SLC37A2: variants seen among roughly 807,000 people sequenced by gnomAD.
SLC37A2 encodes solute carrier family 37 member 2, also known as glucose-6-phosphate exchanger SLC37A2.
A neutral mutation model predicts 70.7 loss-of-function variants in SLC37A2; 59 were observed. The ratio of observed to expected loss-of-function variants is 0.83; its 90% confidence interval spans 0.68 to 1.04. The LOEUF is 1.04. Among genes scored for constraint, SLC37A2 ranks in the 50% least tolerant of loss-of-function variants. The pLI is 0.00. For missense variants in SLC37A2, 580 were observed against 658.1 expected (o/e 0.88, Z 1.30); for synonymous variants, 257 against 262.1 (o/e 0.98, Z 0.19).
Position 125,077,260 on chromosome 11 carries a change from A to G in SLC37A2, c.172A>G (p.Ile58Val), listed in dbSNP as rs1591630943. ...TCTGCACCAGAACTGCTCGGAGCAG[A>G]TCAAACCCATCAATGATACTCACAG... ...SRLHQNCSEQIKPINDTHSLN... is the reference protein window; with the variant it reads ...SRLHQNCSEQVKPINDTHSLN... Residue 58 changes from isoleucine (I) to valine (V), a missense_variant, in exon 3 of 18, where the codon ATC becomes GTC. By Grantham distance (29) the Ile-to-Val change is conservative (BLOSUM62 3). Coordinates refer to ENST00000403796, the MANE Select transcript of SLC37A2 (RefSeq NM_001145290.2). 3 of 1,606,920 alleles carry G rather than the reference A, an allele frequency of 1.9e-6. No homozygotes were observed. The highest frequency in any genetic ancestry group is 2.2e-5 in the East Asian group (1 of 44,856).
At chr11:125,086,587 G>A (rs1949217976) in intron 17 of SLC37A2, 2 of 360,874 alleles carry the variant, frequency 5.5e-6, no homozygotes, top group African/African-American at 2.1e-5. Flanking sequence ...AGAAACCAAG[G>A]TCATCTGGCC....
intron 1 of SLC37A2, among the ~76,000 whole-genome samples, chr11:125,067,014 C>T (rs184864219): frequency 2.7e-5 from 4 of 147,828 alleles, no homozygotes; most frequent in African/African-American, 1.1e-4. Context: ...AAGTCTTGCT[C>T]TATCACCCAG....
rs375897357 is a variant in SLC37A2 at position 125,081,946 on chromosome 11, C to G, written c.885+40C>G. 2.4e-5 allele frequency: 38 copies of G among 1,559,316 alleles called. No individual in the cohort carries two copies. The Middle Eastern group carries it at 7.0e-4, about 29-fold the overall frequency. ...GAATGGAGGAAAGAGAGGGGCTTTC[C>G]AGATTTTTTCTGTTGGTGATGAGGA... On this transcript the variant is annotated intron_variant, in intron 9 of 17. Coordinates refer to ENST00000403796, the MANE Select transcript of SLC37A2 (RefSeq NM_001145290.2).
At chr11:125,071,464 T>C (rs994656466) in intron 1 of SLC37A2, among the ~76,000 whole-genome samples, 1 of 152,218 alleles carries the variant, frequency 6.6e-6, no homozygotes, top group Non-Finnish European at 1.5e-5. Flanking sequence ...CACTCAGCTT[T>C]CTTCCCAAAG....
Position 125,089,683 on chromosome 11 carries a change from GC to G in SLC37A2, c.*1552del, listed in dbSNP as rs1474833549. 6.5e-6 allele frequency: 1 copy of G among 152,822 alleles called. No individual in the cohort carries two copies. Among genetic ancestry groups the G allele is most frequent in the East Asian group, 1.9e-4 (1 of 5,208 alleles). 9.5% of individuals were successfully genotyped at this position (152,822 alleles called of 1,614,324 possible). ...TGTACTGGGTCCCCCAGCAGTGCCG[GC>G]CCACCTGCGCTGTGCTTGATTTCTC... is the stretch of plus-strand genomic sequence containing the variant. On this transcript the variant is annotated 3_prime_UTR_variant, in exon 18 of 18. Transcript: ENST00000403796.
rs1033264059 is a variant in SLC37A2, at chr11:125,080,949, T to G, written c.694+169T>G. The stretch of plus-strand genomic sequence containing the variant: ...TTTCTCATTTGTAAAATAATAATAG[T>G]AATAATAATGTCTATTTCGTAGGAT... On this transcript the variant is annotated intron_variant, in intron 7 of 17. Transcript: ENST00000403796. The surrounding 1 kb of genome is among the most constrained non-coding windows in gnomAD (Gnocchi z 4.3). Among the ~76,000 whole-genome samples the G allele has an allele frequency of 6.6e-6, 1 of 152,160 alleles. No homozygotes were observed. The highest frequency in any genetic ancestry group is 1.5e-5 in the Non-Finnish European group (1 of 68,026).
rs764096896 is a variant in SLC37A2 at position 125,082,379 on chromosome 11, A to G, written c.976+45A>G. 5.1e-6 allele frequency: 8 copies of G among 1,560,502 alleles called. No homozygotes were observed. The African/African-American group carries it at 1.1e-4, about 21-fold the overall frequency. ...AATGAAGGGGTCTCTGAGGAGGCCA[A>G]GGCTGCCTCTGGTGGGAGAGGAAGC... On this transcript the variant is annotated intron_variant, in intron 10 of 17. Coordinates refer to ENST00000403796, the MANE Select transcript of SLC37A2 (RefSeq NM_001145290.2).
rs886710833 is a variant in SLC37A2 at position 125,089,334 on chromosome 11, G to A, written c.*1200G>A. 9.7e-5 allele frequency: 15 copies of A among 155,284 alleles called. No individual in the cohort carries two copies. The highest frequency in any genetic ancestry group is 1.8e-4 in the Non-Finnish European group (13 of 70,398). 9.6% of individuals were successfully genotyped at this position (155,284 alleles called of 1,614,324 possible). The stretch of plus-strand genomic sequence containing the variant: ...CTCAGTGAGGGGTGACAGCGTGCTG[G>A]CAGTCCTCACAGCCCTCGCTCGCTC... On this transcript the variant is annotated 3_prime_UTR_variant, in exon 18 of 18. Transcript: ENST00000403796.
intron 9 of SLC37A2, 129 bp downstream of exon 9, chr11:125,082,035 GC>G: frequency 8.7e-7 from 1 of 1,155,436 alleles, no homozygotes; most frequent in Admixed American, 2.5e-5. Flanking sequence ...AAGTTGGGCA[GC>G]CTGCTTGGGG....
Position 125,064,115 on chromosome 11 carries a change from C to T in SLC37A2, c.59+689C>T, listed in dbSNP as rs940467950. ...ATTGGAGCAGTCCGTTTGGTCTGCA[C>T]AGTTTTTAAAATATTGTGTTAGTTG... On this transcript the variant is annotated intron_variant, in intron 1 of 17. Transcript: ENST00000403796. Among the ~76,000 whole-genome samples the T allele has an allele frequency of 1.1e-4, 16 of 152,192 alleles. 1 individual carries two copies. The highest frequency in any genetic ancestry group is 3.6e-4 in the African/African-American group (15 of 41,456).
In SLC37A2 at chr11:125,090,184, C is replaced by A. The variant is rs908936013; in HGVS notation, c.*2050C>A. The stretch of plus-strand genomic sequence containing the variant: ...CAAGGTTTATAAACACACCAATCAA[C>A]ACCCTGTGTCTAGCTCAGGGTTTGT... On this transcript the variant is annotated 3_prime_UTR_variant, in exon 18 of 18. Coordinates refer to ENST00000403796, the MANE Select transcript of SLC37A2 (RefSeq NM_001145290.2). 3 of 152,148 alleles carry A rather than the reference C, an allele frequency of 2.0e-5. No homozygotes were observed. The highest frequency in any genetic ancestry group is 2.9e-5 in the Non-Finnish European group (2 of 68,068). The allele number at this position is 152,148 out of a possible 1,614,324, so 9.4% of individuals were successfully genotyped here. A position where few individuals can be genotyped will look rare whatever the true frequency, so the allele number is the denominator to read the frequency against.
Position 125,086,022 on chromosome 11 carries a change from A to T in SLC37A2, c.1490+4A>T. 6.2e-7 allele frequency: 1 copy of T among 1,613,862 alleles called. No individual in the cohort carries two copies. Among genetic ancestry groups the T allele is most frequent in the Non-Finnish European group, 8.5e-7 (1 of 1,179,720 alleles). On this transcript the variant is annotated splice_donor_region_variant and intron_variant, in intron 17 of 17. Transcript: ENST00000403796. The stretch of plus-strand genomic sequence containing the variant: ...TGTCCCTGAGCAGAGGCAGCGGGTG[A>T]GTCCGGGGAGCTGAAGCTGCCCCTC...
rs1949149176 is a variant in SLC37A2 at position 125,081,478 on chromosome 11, G to C, written c.732+20G>C. On this transcript the variant is annotated intron_variant, in intron 8 of 17. Transcript: ENST00000403796. ...CACCACGTGAGTGTGAGCCCTCCCA[G>C]CCCTATCCCTGCCCTCCAACTCCAT... is the stretch of plus-strand genomic sequence containing the variant. 6.2e-7 allele frequency: 1 copy of C among 1,604,328 alleles called. No individual in the cohort carries two copies. The highest frequency in any genetic ancestry group is 1.1e-5 in the South Asian group (1 of 89,820).
intron 11 of SLC37A2, 56 bp from the exon 12 acceptor site, chr11:125,084,178 G>T: frequency 6.3e-7 from 1 of 1,590,558 alleles, no homozygotes; most frequent in East Asian, 2.2e-5. Context: ...GGTGCCAGGC[G>T]AGGGGATGGC....
chr11:125,077,371 C>G, intron 3 of SLC37A2, 48 bp downstream of exon 3: 2 of 1,587,696 alleles, frequency 1.3e-6, no homozygotes, highest in Non-Finnish European at 1.7e-6. Flanking sequence ...CCCTCTTCCT[C>G]GAGAAGGGGC....
At chr11:125,075,521 C>T (rs1310642607) in intron 1 of SLC37A2, among the ~76,000 whole-genome samples, 1 of 152,104 alleles carries the variant, frequency 6.6e-6, no homozygotes, top group Non-Finnish European at 1.5e-5. Flanking sequence ...CACTGTTGCA[C>T]CTTCATGCTG....
intron 1 of SLC37A2, among the ~76,000 whole-genome samples, chr11:125,072,331 C>T (rs1223431641): frequency 1.3e-5 from 2 of 152,202 alleles, no homozygotes; most frequent in African/African-American, 2.4e-5. Flanking sequence ...GCTAGTCAAC[C>T]TCCCTATCTA....
rs1949138111 is a variant in SLC37A2, at chr11:125,080,756, A to G, written c.670A>G (p.Ile224Val). 1.3e-6 allele frequency: 2 copies of G among 1,512,634 alleles called. No homozygotes were observed. Among genetic ancestry groups the G allele is most frequent in the African/African-American group, 1.4e-5 (1 of 70,598 alleles). The allele number at this position is 1,512,634 out of a possible 1,614,324, so 93.7% of individuals were successfully genotyped here. A position where few individuals can be genotyped will look rare whatever the true frequency, so the allele number is the denominator to read the frequency against. The change falls in exon 7 of 18, where the codon ATC (isoleucine) becomes GTC (valine). Residue 224 changes from isoleucine to valine, a missense_variant. By Grantham distance (29) the Ile-to-Val change is conservative. Transcript: ENST00000403796. The surrounding 1 kb of genome is among the most constrained non-coding windows in gnomAD (Gnocchi z 4.3). Reference sequence around the variant, plus strand: ...CATCATTACTGCCGTCATGGGCGTCATCACCTTCCTCTTCCTCATCGAACG... The same window carrying G: ...CATCATTACTGCCGTCATGGGCGTCGTCACCTTCCTCTTCCTCATCGAACG... ...PGIITAVMGV[I>V]TFLFLIEHPE...
In SLC37A2 at chr11:125,076,804, A is replaced by G. The variant is rs750250353; in HGVS notation, c.107A>G (p.Tyr36Cys). ...LLLTFLIYAC[Y>C]HMSRKPISIV... ...CTGACCTTCCTAATTTACGCCTGCTATCACATGTCCAGGAAGCCTATCAGT... is the reference window on the plus strand; with the variant it reads ...CTGACCTTCCTAATTTACGCCTGCTGTCACATGTCCAGGAAGCCTATCAGT... Residue 36 changes from tyrosine to cysteine, a missense_variant, in exon 2 of 18, where the codon TAT becomes TGT. By Grantham distance (194) the Tyr-to-Cys change is radical. Transcript: ENST00000403796. The G allele has an allele frequency of 3.7e-6, 6 of 1,614,016 alleles. No homozygotes were observed. The highest frequency in any genetic ancestry group is 1.7e-5 in the Admixed American group (1 of 60,004).
Sources: gnomAD v4.1 joint callset for allele counts (sites outside exome capture counted in the v4.1 genomes callset) on GRCh38, gnomAD v4.1.1 for gene constraint, Gnocchi (gnomAD v3.1) non-coding constraint, MANE v1.5 for transcripts, NCBI Gene and HGNC (gene_info 2026-07-23, HGNC 2026-07-21) for gene names.